CNOT2: variants seen among roughly 807,000 people sequenced by gnomAD.
The protein encoded by CNOT2 is CC chemokine receptor 4-negative regulator of transcription 2.
In CNOT2, 7 loss-of-function variants were observed where a neutral mutation model predicts 72.1. The observed-to-expected ratio is 0.10, with a 90% CI of 0.06 to 0.18. The LOEUF (loss-of-function observed/expected upper bound fraction) is 0.18, where lower values mean the gene tolerates loss of function less well. Ranked by LOEUF, CNOT2 falls within the 10% of genes least tolerant of loss-of-function variation. The pLI is 1.00. For missense variants in CNOT2, 345 were observed against 660.3 expected (o/e 0.52, Z 5.23); for synonymous variants, 196 against 225.6 (o/e 0.87, Z 1.17).
At chr12:70,305,842 C>T (rs1230504983) in intron 2 of CNOT2, among the ~76,000 whole-genome samples, 1 of 124,912 alleles carries the variant, frequency 8.0e-6, no homozygotes, top group Admixed American at 8.1e-5. Context: ...CCCGTCTTCT[C>T]TGAAGTTCTT....
At chr12:70,261,581 G>C (rs575988233) in intron 1 of CNOT2, among the ~76,000 whole-genome samples, 1 of 151,934 alleles carries the variant, frequency 6.6e-6, no homozygotes, top group African/African-American at 2.4e-5. Flanking sequence ...CTCCCAAAGT[G>C]CTGGGATTAC....
chr12:70,249,786 T>C (rs1480681742), intron 1 of CNOT2, among the ~76,000 whole-genome samples: 1 of 152,084 alleles, frequency 6.6e-6, no homozygotes, highest in Non-Finnish European at 1.5e-5. Flanking sequence ...AAGCAAATAC[T>C]GTGTTATAAT....
intron 1 of CNOT2, chr12:70,243,862 G>A (rs1204250429): frequency 6.6e-6 from 1 of 152,242 alleles, no homozygotes; most frequent in Non-Finnish European, 1.5e-5. Context: ...CCAGCGCGGA[G>A]GAGCCGCTGC....
intron 13 of CNOT2, 191 bp from the exon 14 acceptor site, chr12:70,343,937 C>A: frequency 2.2e-6 from 1 of 447,612 alleles, no homozygotes; most frequent in East Asian, 3.5e-5. Context: ...TAAATGACTT[C>A]AGTCATTTAA....
chr12:70,276,294 T>A (rs1338196648), intron 1 of CNOT2, among the ~76,000 whole-genome samples: 2 of 152,012 alleles, frequency 1.3e-5, no homozygotes, highest in African/African-American at 4.8e-5. Context: ...TTATCTTACC[T>A]GATTATAGAT....
chr12:70,303,363 C>A (rs1401487047), intron 2 of CNOT2, among the ~76,000 whole-genome samples: 2 of 152,108 alleles, frequency 1.3e-5, no homozygotes, highest in Non-Finnish European at 2.9e-5. Context: ...ACCGGTTGTT[C>A]CTTTCCGTGT....
intron 4 of CNOT2, among the ~76,000 whole-genome samples, chr12:70,326,769 C>A (rs1361124981): frequency 6.6e-6 from 1 of 151,696 alleles, no homozygotes; most frequent in Non-Finnish European, 1.5e-5. Flanking sequence ...GTGATATATT[C>A]TTTTTTGATC....
rs114488222 is a variant in CNOT2, at chr12:70,257,162, G to A, written c.-96+13682G>A. On this transcript the variant is annotated intron_variant, in intron 1 of 15. Coordinates refer to ENST00000229195, the MANE Select transcript of CNOT2 (RefSeq NM_014515.7). ...CAAAGTATATGAATTTTGGAGGTAAGCAGGTCCAGTGCTTAGCCAATTGCT... is the reference window on the plus strand; with the variant it reads ...CAAAGTATATGAATTTTGGAGGTAAACAGGTCCAGTGCTTAGCCAATTGCT... Among the ~76,000 whole-genome samples the A allele has an allele frequency of 6.4e-3, 971 of 152,192 alleles. 11 individuals carry two copies. Among genetic ancestry groups the A allele is most frequent in the African/African-American group, 0.022 (898 of 41,522 alleles).
intron 1 of CNOT2, among the ~76,000 whole-genome samples, chr12:70,261,805 A>G (rs1565738676): frequency 6.6e-6 from 1 of 151,598 alleles, no homozygotes. Context: ...AATTGGTACA[A>G]TTCACCAGTG....
chr12:70,325,550 A>G (rs1317656894), intron 4 of CNOT2, among the ~76,000 whole-genome samples: 2 of 151,912 alleles, frequency 1.3e-5, no homozygotes, highest in African/African-American at 4.8e-5. Flanking sequence ...CTTAATGCCT[A>G]GTGTGAATTC....
intron 11 of CNOT2, chr12:70,341,903 G>A (rs1881559239): frequency 1.7e-6 from 1 of 600,174 alleles, no homozygotes; most frequent in Non-Finnish European, 3.0e-6. Context: ...CAAGAATACT[G>A]AGGGAAGGAG....
chr12:70,294,676 T>G (rs1319154867), intron 2 of CNOT2, among the ~76,000 whole-genome samples: 1 of 152,176 alleles, frequency 6.6e-6, no homozygotes, highest in Non-Finnish European at 1.5e-5. Context: ...CATATGTAAC[T>G]TGGTCTCAGG....
At chr12:70,329,116 T>C (rs533726100) in intron 4 of CNOT2, among the ~76,000 whole-genome samples, 1 of 152,078 alleles carries the variant, frequency 6.6e-6, no homozygotes, top group South Asian at 2.1e-4. Flanking sequence ...AATAGGCCTT[T>C]AAGAAATTTT....
intron 2 of CNOT2, among the ~76,000 whole-genome samples, chr12:70,308,135 C>T: frequency 6.6e-6 from 1 of 152,256 alleles, no homozygotes; most frequent in East Asian, 1.9e-4. Flanking sequence ...GCTTTTCCTT[C>T]AAGCATTTGC....
intron 7 of CNOT2, among the ~76,000 whole-genome samples, chr12:70,334,276 G>T (rs1293817277): frequency 6.6e-6 from 1 of 151,856 alleles, no homozygotes; most frequent in East Asian, 1.9e-4. Context: ...CTTATTCAGT[G>T]GTAATTTTTT....
intron 2 of CNOT2, among the ~76,000 whole-genome samples, chr12:70,296,447 T>G (rs1872809639): frequency 6.6e-6 from 1 of 152,186 alleles, no homozygotes; most frequent in South Asian, 2.1e-4. Context: ...CTGCATTGGC[T>G]AAAACAATGA....
intron 2 of CNOT2, among the ~76,000 whole-genome samples, chr12:70,306,722 A>T (rs1875467974): frequency 1.3e-5 from 2 of 152,192 alleles, no homozygotes; most frequent in African/African-American, 4.8e-5. Flanking sequence ...AATTGTACAC[A>T]CCAAAGATTC....
At chr12:70,319,435 A>G in intron 4 of CNOT2, 71 bp downstream of exon 4, 1 of 1,401,738 alleles carries the variant, frequency 7.1e-7, no homozygotes, top group Non-Finnish European at 1.0e-6. Flanking sequence ...AATAAAGAAC[A>G]ACCAGTACTT....
At chr12:70,278,625 C>T (rs920972366) in intron 2 of CNOT2, among the ~76,000 whole-genome samples, 3 of 152,030 alleles carry the variant, frequency 2.0e-5, no homozygotes, top group Non-Finnish European at 4.4e-5. Context: ...AGACTAAACC[C>T]GAAGTCTTGT....
Sources: allele counts gnomAD v4.1 joint callset (sites outside exome capture counted in the v4.1 genomes callset), GRCh38; gene constraint gnomAD v4.1.1; transcripts MANE v1.5; gene names NCBI Gene and HGNC (gene_info 2026-07-23, HGNC 2026-07-21).